SNX13: variants seen among roughly 807,000 people sequenced by gnomAD.
SNX13 encodes sorting nexin 13.
In SNX13, 45 loss-of-function variants were observed where a neutral mutation model predicts 133.6. That is an observed-to-expected ratio of 0.34 (90% CI 0.27 to 0.43). The LOEUF (loss-of-function observed/expected upper bound fraction) is 0.43. Among genes scored for constraint, SNX13 ranks in the 20% least tolerant of loss-of-function variants. The pLI is 1.00. For synonymous variants in SNX13, 414 were observed against 373.9 expected (o/e 1.11, Z -1.24); for missense variants, 1,032 against 1,145.1 (o/e 0.90, Z 1.43).
chr7:17,895,469 A>C (rs538775497), intron 2 of SNX13, among the ~76,000 whole-genome samples: 1 of 152,330 alleles, frequency 6.6e-6, no homozygotes, highest in East Asian at 1.9e-4. Context: ...TCAACACTTG[A>C]CAAGAATAAA....
chr7:17,852,809 T>C (rs1791393441), intron 9 of SNX13, among the ~76,000 whole-genome samples: 1 of 152,216 alleles, frequency 6.6e-6, no homozygotes, highest in East Asian at 1.9e-4. Context: ...TAGAAGGAGT[T>C]GGTTACAATG....
chr7:17,873,531 G>T lies in SNX13; in HGVS notation c.750C>A (p.Val250=). 1 of 1,569,400 alleles carries T rather than the reference G, an allele frequency of 6.4e-7. No homozygotes were observed. The highest frequency in any genetic ancestry group is 1.2e-5 in the South Asian group (1 of 82,450). The change falls in exon 8 of 26, where the codon GTC becomes GTA. Residue 250 remains valine (V), a synonymous_variant. Coordinates refer to ENST00000428135, the MANE Select transcript of SNX13 (RefSeq NM_015132.5). The part of the protein sequence containing the change: ...DFQNKIMRYF[V]REILARGILL... ...TATGGTATGAGTTTAAGCTTACCCT[G>T]ACAAAGTATCGCATGATCTTGTTCT...
intron 17 of SNX13, among the ~76,000 whole-genome samples, chr7:17,824,835 T>C (rs1293537339): frequency 1.3e-5 from 2 of 151,590 alleles, no homozygotes; most frequent in Admixed American, 6.6e-5. Flanking sequence ...AGTGGTGTGA[T>C]CTCGGCTCAT....
chr7:17,842,946 G>A (rs891273575), intron 12 of SNX13, among the ~76,000 whole-genome samples: 5 of 151,836 alleles, frequency 3.3e-5, no homozygotes. Flanking sequence ...ATATACATAA[G>A]AGGAATGAGA....
chr7:17,894,245 G>C (rs544963150), intron 2 of SNX13, among the ~76,000 whole-genome samples: 1 of 152,060 alleles, frequency 6.6e-6, no homozygotes, highest in African/African-American at 2.4e-5. Context: ...AGAGGATGCA[G>C]TGAGCCGAGA....
intron 11 of SNX13, among the ~76,000 whole-genome samples, chr7:17,848,595 G>C (rs1032126569): frequency 6.6e-6 from 1 of 152,194 alleles, no homozygotes; most frequent in Non-Finnish European, 1.5e-5. Flanking sequence ...GGCCTGAACA[G>C]AGTTTGCTCT....
chr7:17,886,435 G>C (rs1795994719), intron 5 of SNX13, among the ~76,000 whole-genome samples: 1 of 151,992 alleles, frequency 6.6e-6, no homozygotes, highest in South Asian at 2.1e-4. Flanking sequence ...GGGTGTAGTG[G>C]CGTGCGCTTA....
chr7:17,931,530 A>G (rs916603106), intron 1 of SNX13, among the ~76,000 whole-genome samples: 1 of 152,172 alleles, frequency 6.6e-6, no homozygotes, highest in African/African-American at 2.4e-5. Flanking sequence ...AAAGAATCAC[A>G]ACTCTTTCCT....
chr7:17,834,874 G>A lies in SNX13; in HGVS notation c.1360-9C>T. ...GTAACTCTTGGAGATGCCTAACAGA[G>A]AAAAATAATAGTAATGATCTCTGTA... On this transcript the variant is annotated splice_polypyrimidine_tract_variant and intron_variant, in intron 13 of 25. Transcript: ENST00000428135. The A allele has an allele frequency of 6.7e-7, 1 of 1,485,374 alleles. No individual in the cohort carries two copies. Among genetic ancestry groups the A allele is most frequent in the Non-Finnish European group, 9.4e-7 (1 of 1,069,160 alleles). 92.0% of individuals were successfully genotyped at this position (1,485,374 alleles called of 1,614,324 possible). A position where few individuals can be genotyped will look rare whatever the true frequency, so the allele number is the denominator to read the frequency against.
At chr7:17,856,785 T>TAAAAAAAAAAAAAAAAAAAAAAAAA (rs200753998) in intron 9 of SNX13, among the ~76,000 whole-genome samples, 1 of 97,584 alleles carries the variant, frequency 1.0e-5, no homozygotes, top group African/African-American at 4.0e-5. Flanking sequence ...GAGACTCTCT[T>TAAAAAAAAAAAAAAAAAAAAAAAAA]AAAAAAAAAA....
intron 14 of SNX13, 135 bp downstream of exon 14, chr7:17,834,626 T>C (rs371593482): frequency 8.1e-6 from 4 of 491,326 alleles, no homozygotes; most frequent in African/African-American, 6.0e-5. Context: ...ATTTCTGGAA[T>C]TGAGAAGTAT....
intron 11 of SNX13, among the ~76,000 whole-genome samples, chr7:17,848,255 C>T (rs910264090): frequency 3.3e-5 from 5 of 152,144 alleles, no homozygotes; most frequent in African/African-American, 1.2e-4. Flanking sequence ...ACCTACCCGC[C>T]CCATTCCCCT....
chr7:17,815,392 G>C (rs551226378), intron 19 of SNX13, among the ~76,000 whole-genome samples: 1 of 152,086 alleles, frequency 6.6e-6, no homozygotes, highest in South Asian at 2.1e-4. Flanking sequence ...AGACCAGCCC[G>C]GGCAACAAAG....
chr7:17,845,145 CGT>C (rs1392062966), intron 12 of SNX13, among the ~76,000 whole-genome samples: 1 of 117,802 alleles, frequency 8.5e-6, no homozygotes, highest in African/African-American at 2.7e-5. Context: ...CAAGTGTGTG[CGT>C]GTGTGTACAC....
At chr7:17,847,509 C>T (rs2128323167) in intron 11 of SNX13, among the ~76,000 whole-genome samples, 1 of 152,218 alleles carries the variant, frequency 6.6e-6, no homozygotes, top group South Asian at 2.1e-4. Context: ...AATAATTCTT[C>T]TATTCCTTAA....
intron 18 of SNX13, among the ~76,000 whole-genome samples, chr7:17,818,093 C>T (rs1357314168): frequency 2.0e-5 from 3 of 152,116 alleles, no homozygotes; most frequent in Non-Finnish European, 4.4e-5. Context: ...AGAGAAATGG[C>T]CATGTAGGGA....
chr7:17,861,317 TACAGTTATCACACATACAGTTATCTCACA>T (rs1792646657), intron 9 of SNX13, among the ~76,000 whole-genome samples: 1 of 147,070 alleles, frequency 6.8e-6, no homozygotes, highest in African/African-American at 2.5e-5. Flanking sequence ...TTATCACACA[TACAGTTATCACACATACAGTTATCTCACA>T]CACACACACA....
Position 17,911,719 on chromosome 7 carries a change from T to C in SNX13, c.13-14273A>G, listed in dbSNP as rs1338878764. 2.0e-5 allele frequency among the ~76,000 whole-genome samples: 3 copies of C among 151,850 alleles called. No homozygotes were observed. In the East Asian group the frequency reaches 5.8e-4, roughly 29 times the overall value. On this transcript the variant is annotated intron_variant, in intron 1 of 25. Transcript: ENST00000428135. Reference sequence around the variant, plus strand: ...AATTGATGTAAGTATTAAAAGATAATGCAATGAAGGCAATGCTACAAGGAG... The same window carrying C: ...AATTGATGTAAGTATTAAAAGATAACGCAATGAAGGCAATGCTACAAGGAG...
chr7:17,902,369 G>C (rs948202219), intron 1 of SNX13, among the ~76,000 whole-genome samples: 5 of 149,978 alleles, frequency 3.3e-5, no homozygotes, highest in African/African-American at 1.2e-4. Flanking sequence ...GTGCTAATTT[G>C]CTTGGTAGTT....
Sources: allele counts gnomAD v4.1 joint callset (sites outside exome capture counted in the v4.1 genomes callset), GRCh38; gene constraint gnomAD v4.1.1; transcripts MANE v1.5; gene names NCBI Gene and HGNC (gene_info 2026-07-23, HGNC 2026-07-21).